CHST12: variants seen among roughly 807,000 people sequenced by gnomAD.
CHST12 encodes carbohydrate sulfotransferase 12.
CHST12 carries 23 observed loss-of-function variants against 27.9 expected under a neutral mutation model. That is an observed-to-expected ratio of 0.82 (90% CI 0.59 to 1.17). The LOEUF (loss-of-function observed/expected upper bound fraction) is 1.17. CHST12 is among the 50% of genes most tolerant of loss of function. The pLI is 0.00. For missense variants in CHST12, 682 were observed against 603.0 expected, an observed-to-expected ratio of 1.13 and a Z score of -1.37; for synonymous variants, 322 against 273.0, an observed-to-expected ratio of 1.18 and a Z score of -1.77.
At position 2,432,895 on chromosome 7, in the gene CHST12, A is replaced by G; in HGVS notation, c.256A>G (p.Lys86Glu). ...CGTGAAGCAGAGCGACCTTCCCAGA[A>G]AGGAGACGGAGCAGCCGCCTGCGCC... The part of the protein sequence containing the change: ...AGVKQSDLPR[K>E]ETEQPPAPGS... The change falls in exon 2 of 2, where the codon AAG becomes GAG. Residue 86 changes from lysine to glutamate, a missense_variant. Lys to Glu is a moderately conservative substitution (Grantham distance 56). Coordinates refer to ENST00000618655, the MANE Select transcript of CHST12 (RefSeq NM_018641.5). The G allele has an allele frequency of 6.2e-7, 1 of 1,613,398 alleles. No homozygotes were observed. The highest frequency in any genetic ancestry group is 8.5e-7 in the Non-Finnish European group (1 of 1,179,850).
Position 2,443,189 on chromosome 7 carries a change from C to T in CHST12, c.*9305C>T, listed in dbSNP as rs1430533462. 2 of 152,198 alleles carry T rather than the reference C, an allele frequency of 1.3e-5. No individual in the cohort carries two copies. Among genetic ancestry groups the T allele is most frequent in the African/African-American group, 2.4e-5 (1 of 41,436 alleles). The allele number at this position is 152,198 out of a possible 1,614,324, so 9.4% of individuals were successfully genotyped here. On this transcript the variant is annotated 3_prime_UTR_variant, in exon 2 of 2. Coordinates refer to ENST00000618655, the MANE Select transcript of CHST12 (RefSeq NM_018641.5). Reference sequence around the variant, plus strand: ...CAATCTCAGCTCACTGCAACCTCTGCCTTCTGGGTTCAAGCCATTCTTGTG... The same window carrying T: ...CAATCTCAGCTCACTGCAACCTCTGTCTTCTGGGTTCAAGCCATTCTTGTG...
rs143750983 is a variant in CHST12, at chr7:2,418,210, G to T, written c.-77-14353G>T. Among the ~76,000 whole-genome samples the T allele has an allele frequency of 2.6e-5, 4 of 152,370 alleles. No individual in the cohort carries two copies. In the South Asian group the frequency reaches 8.3e-4, roughly 32 times the overall value. On this transcript the variant is annotated intron_variant, in intron 1 of 1. Transcript: ENST00000618655. ...CCCCTGGCTTCATGCCCTGCATGTT[G>T]TGTGTGAGCAAAGAAATATTTAACA...
chr7:2,433,265 A>G lies in CHST12; in HGVS notation c.626A>G (p.Asn209Ser). The G allele has an allele frequency of 1.2e-6, 2 of 1,611,598 alleles. No individual in the cohort carries two copies. The highest frequency in any genetic ancestry group is 8.5e-7 in the Non-Finnish European group (1 of 1,178,626). ...PLRIPREHVH[N>S]ASAHLTFNKF... ...CGCATCCCGCGCGAGCACGTGCACA[A>G]CGCCAGCGCGCACCTGACCTTCAAC... The change falls in exon 2 of 2, where the codon AAC becomes AGC. Residue 209 changes from asparagine to serine, a missense_variant. Asn to Ser is a conservative substitution (Grantham distance 46, BLOSUM62 1). Coordinates refer to ENST00000618655, the MANE Select transcript of CHST12 (RefSeq NM_018641.5). The surrounding 1 kb of genome is among the most constrained non-coding windows in gnomAD (Gnocchi z 6.1).
chr7:2,420,206 C>T (rs543682766), intron 1 of CHST12, among the ~76,000 whole-genome samples: 16 of 152,106 alleles, frequency 1.1e-4, no homozygotes, highest in Admixed American at 9.2e-4. Context: ...ATCTCCTGAC[C>T]TCGTGATCTG....
chr7:2,419,224 C>A (rs1207143313), intron 1 of CHST12, among the ~76,000 whole-genome samples: 1 of 152,096 alleles, frequency 6.6e-6, no homozygotes, highest in Non-Finnish European at 1.5e-5. Context: ...TCCTGGTCAA[C>A]ATGGTGAAAC....
chr7:2,419,401 CAAAAAA>C (rs35870806), intron 1 of CHST12, among the ~76,000 whole-genome samples: 5 of 113,080 alleles, frequency 4.4e-5, no homozygotes, highest in Admixed American at 9.5e-5. Flanking sequence ...ACCCTGTCTC[CAAAAAA>C]AAAAAAAAAA....
In CHST12 at chr7:2,433,499, C is replaced by T. The variant is rs201092635; in HGVS notation, c.860C>T (p.Ser287Leu). The T allele has an allele frequency of 1.3e-5, 21 of 1,611,984 alleles. No individual in the cohort carries two copies. The African/African-American group carries it at 1.5e-4, about 11-fold the overall frequency. Residue 287 changes from serine to leucine, a missense_variant, in exon 2 of 2, where the codon TCG (serine) becomes TTG (leucine). Ser to Leu is a moderately radical substitution (Grantham distance 145, BLOSUM62 -2). Coordinates refer to ENST00000618655, the MANE Select transcript of CHST12 (RefSeq NM_018641.5). The surrounding 1 kb of genome is among the most constrained non-coding windows in gnomAD (Gnocchi z 6.1). ...LYANHTSLPASAREAFRAGLK... is the reference protein window; with the variant it reads ...LYANHTSLPALAREAFRAGLK... ...GCCAACCACACCAGCCTGCCCGCCTCGGCGCGCGAGGCCTTCCGCGCTGGC... is the reference window on the plus strand; with the variant it reads ...GCCAACCACACCAGCCTGCCCGCCTTGGCGCGCGAGGCCTTCCGCGCTGGC...
chr7:2,425,732 C>G (rs1158814112), intron 1 of CHST12, among the ~76,000 whole-genome samples: 2 of 150,840 alleles, frequency 1.3e-5, no homozygotes, highest in Non-Finnish European at 2.9e-5. Flanking sequence ...GTCCCTTTTC[C>G]TCTTGTATCC....
intron 1 of CHST12, among the ~76,000 whole-genome samples, chr7:2,412,422 T>C (rs1399626751): frequency 6.6e-6 from 1 of 152,168 alleles, no homozygotes; most frequent in African/African-American, 2.4e-5. Flanking sequence ...TTATTTGCCT[T>C]ATATAGTGTC....
rs1374096303 is a variant in CHST12 at position 2,433,997 on chromosome 7, A to T, written c.*113A>T. On this transcript the variant is annotated 3_prime_UTR_variant, in exon 2 of 2. Coordinates refer to ENST00000618655, the MANE Select transcript of CHST12 (RefSeq NM_018641.5). This position sits in a 1 kb window ranked among gnomAD's most constrained non-coding sequence, Gnocchi z 6.1. Reference sequence around the variant, plus strand: ...GCTTCTTGTTCACTCCACTGCCTCTATCCATTGAGTACTGTATCGATATTG... The same window carrying T: ...GCTTCTTGTTCACTCCACTGCCTCTTTCCATTGAGTACTGTATCGATATTG... The T allele has an allele frequency of 3.8e-6, 3 of 787,922 alleles. No individual in the cohort carries two copies. The East Asian group carries it at 7.4e-5, about 19-fold the overall frequency. 48.8% of individuals were successfully genotyped at this position (787,922 alleles called of 1,614,324 possible).
rs1272510094 is a variant in CHST12 at position 2,447,825 on chromosome 7, AAG to A, written c.*13943_*13944del. The A allele has an allele frequency of 1.3e-5, 2 of 151,740 alleles. No individual in the cohort carries two copies. Among genetic ancestry groups the A allele is most frequent in the African/African-American group, 4.8e-5 (2 of 41,286 alleles). 9.4% of individuals were successfully genotyped at this position (151,740 alleles called of 1,614,324 possible). A position where few individuals can be genotyped will look rare whatever the true frequency, so the allele number is the denominator to read the frequency against. ...TGAAAACAAGTTTATTAACAAAGTT[AAG>A]AAATAAAGAATGGCTATTCCATAGG... On this transcript the variant is annotated 3_prime_UTR_variant, in exon 2 of 2. Coordinates refer to ENST00000618655, the MANE Select transcript of CHST12 (RefSeq NM_018641.5).
chr7:2,432,377 C>T lies in CHST12; in HGVS notation c.-77-186C>T, dbSNP rs1448484231. 5.3e-5 allele frequency among the ~76,000 whole-genome samples: 8 copies of T among 152,068 alleles called. 1 individual carries two copies. The highest frequency in any genetic ancestry group is 1.3e-4 in the Admixed American group (2 of 15,262). On this transcript the variant is annotated intron_variant, in intron 1 of 1. Coordinates refer to ENST00000618655, the MANE Select transcript of CHST12 (RefSeq NM_018641.5). ...GGCGTCCAGGGTCATTACTGGTGCT[C>T]GGGCACATGGATGTGTAGACTCCCT...
In CHST12 at chr7:2,446,435, G is replaced by A. The variant is rs185100849; in HGVS notation, c.*12551G>A. On this transcript the variant is annotated 3_prime_UTR_variant, in exon 2 of 2. Coordinates refer to ENST00000618655, the MANE Select transcript of CHST12 (RefSeq NM_018641.5). ...TGGCATTAACCCACTGCAGCCCCAG[G>A]AAGTGGTTCCACCCCAGGCAGCCAA... 8.9e-4 allele frequency: 136 copies of A among 152,938 alleles called. No individual in the cohort carries two copies. In the Middle Eastern group the frequency reaches 0.01, roughly 11 times the overall value. The allele number at this position is 152,938 out of a possible 1,614,324, so 9.5% of individuals were successfully genotyped here. A position where few individuals can be genotyped will look rare whatever the true frequency, so the allele number is the denominator to read the frequency against.
In CHST12 at chr7:2,416,940, T is replaced by C. The variant is rs540247441; in HGVS notation, c.-78+13267T>C. ...ATAAATAAGCACGTAAATTACTTTA[T>C]CTGGGAAAGAAAAGAAGGCAGCTTT... On this transcript the variant is annotated intron_variant, in intron 1 of 1. Coordinates refer to ENST00000618655, the MANE Select transcript of CHST12 (RefSeq NM_018641.5). 2.6e-5 allele frequency among the ~76,000 whole-genome samples: 4 copies of C among 152,352 alleles called. No individual in the cohort carries two copies. In the South Asian group the frequency reaches 6.2e-4, roughly 24 times the overall value.
chr7:2,435,744 G>T lies in CHST12; in HGVS notation c.*1860G>T, dbSNP rs114037031. On this transcript the variant is annotated 3_prime_UTR_variant, in exon 2 of 2. Transcript: ENST00000618655. ...GTGTGGGTCTTGGCCCCCAGTGCCT[G>T]CTAGCCTCAGGTGTCCCCTGTGTTA... is the stretch of plus-strand genomic sequence containing the variant. 1,263 of 152,382 alleles carry T rather than the reference G, an allele frequency of 8.3e-3. 22 individuals carry two copies. Among genetic ancestry groups the T allele is most frequent in the African/African-American group, 0.028 (1,182 of 41,556 alleles). The allele number at this position is 152,382 out of a possible 1,614,324, so 9.4% of individuals were successfully genotyped here. A position where few individuals can be genotyped will look rare whatever the true frequency, so the allele number is the denominator to read the frequency against.
In CHST12 at chr7:2,427,615, A is replaced by C. The variant is rs182602634; in HGVS notation, c.-77-4948A>C. Among the ~76,000 whole-genome samples the C allele has an allele frequency of 1.5e-3, 228 of 152,122 alleles. 1 individual carries two copies. The highest frequency in any genetic ancestry group is 2.3e-3 in the Non-Finnish European group (156 of 67,992). ...GATGATAGAAAAATGGTACAGCTGTAGGGTGTTTGTAGATGCCCTATAAGT... is the reference window on the plus strand; with the variant it reads ...GATGATAGAAAAATGGTACAGCTGTCGGGTGTTTGTAGATGCCCTATAAGT... On this transcript the variant is annotated intron_variant, in intron 1 of 1. Transcript: ENST00000618655.
chr7:2,431,251 C>T (rs565182608), intron 1 of CHST12, among the ~76,000 whole-genome samples: 34 of 152,188 alleles, frequency 2.2e-4, no homozygotes, highest in Non-Finnish European at 3.4e-4. Context: ...GTCCTTTTGT[C>T]TCTAGTAGTT....
At chr7:2,409,350 C>T (rs558846429) in intron 1 of CHST12, among the ~76,000 whole-genome samples, 28 of 152,198 alleles carry the variant, frequency 1.8e-4, no homozygotes, top group African/African-American at 5.5e-4. Flanking sequence ...CGTGGTGGTT[C>T]GCACCTGTAA....
intron 1 of CHST12, among the ~76,000 whole-genome samples, chr7:2,421,595 C>A (rs1781978718): frequency 6.6e-6 from 1 of 152,044 alleles, no homozygotes; most frequent in South Asian, 2.1e-4. Flanking sequence ...CACCACCATG[C>A]CAGGCTAATT....
Sources: allele counts gnomAD v4.1 joint callset (sites outside exome capture counted in the v4.1 genomes callset), GRCh38; gene constraint gnomAD v4.1.1; non-coding constraint Gnocchi (gnomAD v3.1); transcripts MANE v1.5; gene names NCBI Gene and HGNC (gene_info 2026-07-23, HGNC 2026-07-21).